Variants in SPAG17 observed in about 807,000 individuals in gnomAD.
The protein encoded by SPAG17 is sperm associated antigen 17, also known as sperm-associated antigen 17.
Under a neutral mutation model 273.6 loss-of-function variants are expected in SPAG17, and 169 were observed. The observed-to-expected ratio is 0.62, with a 90% CI of 0.55 to 0.70. The LOEUF (loss-of-function observed/expected upper bound fraction) is 0.70. Ranked by LOEUF, SPAG17 falls within the 30% of genes least tolerant of loss-of-function variation. The pLI is 0.00. For synonymous variants in SPAG17, 825 were observed against 873.2 expected (o/e 0.94, Z 0.97); for missense variants, 2,557 against 2,627.8 (o/e 0.97, Z 0.59).
intron 3 of SPAG17, among the ~76,000 whole-genome samples, chr1:118,122,292 T>C (rs1657467672): frequency 1.3e-5 from 2 of 152,176 alleles, no homozygotes; most frequent in African/African-American, 4.8e-5. Context: ...AAGGGCCACT[T>C]GTATTGAGAT....
intron 40 of SPAG17, among the ~76,000 whole-genome samples, chr1:117,987,025 C>G (rs1656494445): frequency 6.6e-6 from 1 of 152,112 alleles, no homozygotes; most frequent in Non-Finnish European, 1.5e-5. Context: ...TGCTATAGCC[C>G]CCCAGCTTAT....
intron 19 of SPAG17, among the ~76,000 whole-genome samples, 155 bp downstream of exon 19, chr1:118,055,578 G>A (rs532642715): frequency 6.6e-6 from 1 of 152,230 alleles, no homozygotes; most frequent in South Asian, 2.1e-4. Flanking sequence ...TATTTGGAAT[G>A]CAGCTACTCT....
intron 1 of SPAG17, among the ~76,000 whole-genome samples, chr1:118,159,855 C>T (rs571926534): frequency 7.9e-5 from 12 of 152,222 alleles, no homozygotes; most frequent in African/African-American, 2.6e-4. Flanking sequence ...AACCACAGAG[C>T]CACTACACAC....
Position 118,040,793 on chromosome 1 carries a change from T to C in SPAG17, c.3103A>G (p.Asn1035Asp), listed in dbSNP as rs752614439. The C allele has an allele frequency of 3.1e-6, 5 of 1,604,606 alleles. No homozygotes were observed. Among genetic ancestry groups the C allele is most frequent in the East Asian group, 2.2e-5 (1 of 44,858 alleles). The change falls in exon 22 of 49, where the codon AAT (asparagine) becomes GAT (aspartate). Residue 1035 changes from asparagine to aspartate, a missense_variant. Coordinates refer to ENST00000336338, the MANE Select transcript of SPAG17 (RefSeq NM_206996.4). ...GNIPTQISGS[N>D]YYLYPSDGGQ... ...CCATCAGAAGGATACAGGTAGTAAT[T>C]TGACCCTGAGATTTGAGTGGGTATA...
rs191564427 is a variant in SPAG17, at chr1:117,998,577, T to C, written c.4777-1834A>G. On this transcript the variant is annotated intron_variant, in intron 32 of 48. Coordinates refer to ENST00000336338, the MANE Select transcript of SPAG17 (RefSeq NM_206996.4). ...CCATGTGAATTTTAGAATAGCTTTT[T>C]CTGATTCTGTGAAGAATGTCATTGG... Among the ~76,000 whole-genome samples, 6 of 152,306 alleles carry C rather than the reference T, an allele frequency of 3.9e-5. No homozygotes were observed. In the East Asian group the frequency reaches 1.2e-3, roughly 29 times the overall value.
intron 32 of SPAG17, 44 bp from the exon 33 acceptor site, chr1:117,996,787 T>A: frequency 1.3e-6 from 2 of 1,544,686 alleles, no homozygotes; most frequent in Admixed American, 2.1e-5. Context: ...AAGAAAGTCA[T>A]AATGCTTAAA....
chr1:118,147,539 C>T (rs1176095955), intron 3 of SPAG17, among the ~76,000 whole-genome samples: 2 of 152,102 alleles, frequency 1.3e-5, no homozygotes, highest in African/African-American at 4.8e-5. Context: ...AACATGCTTT[C>T]CAAAAAGAGA....
chr1:117,978,868 TC>T (rs1309019250), intron 43 of SPAG17, among the ~76,000 whole-genome samples: 2 of 133,112 alleles, frequency 1.5e-5, no homozygotes, highest in African/African-American at 5.3e-5. Context: ...TTCTTCCTCT[TC>T]TTTTTTTTTT....
Position 118,040,730 on chromosome 1 carries a change from C to G in SPAG17, c.3166G>C (p.Gly1056Arg), listed in dbSNP as rs1311175144. The change falls in exon 22 of 49, where the codon GGC becomes CGC. Residue 1056 changes from glycine (G) to arginine (R), a missense_variant and splice_region_variant. Transcript: ENST00000336338. ...IEVEKTMFEK[G>R]PTFIKVRVVK... ...TTAACCAGTTGCTTTCAAAATGTAC[C>G]TTTTTCAAACATTGTCTTTTCCACT... The G allele has an allele frequency of 6.3e-7, 1 of 1,575,206 alleles. No homozygotes were observed. Among genetic ancestry groups the G allele is most frequent in the South Asian group, 1.1e-5 (1 of 90,246 alleles).
chr1:117,955,141 T>C, intron 48 of SPAG17: 2 of 506,106 alleles, frequency 4.0e-6, no homozygotes, highest in Middle Eastern at 5.2e-4. Context: ...AGGGGCAGAG[T>C]TCAGTTGTCA....
chr1:117,985,074 G>C (rs987165499), intron 40 of SPAG17, among the ~76,000 whole-genome samples: 4 of 152,114 alleles, frequency 2.6e-5, no homozygotes, highest in African/African-American at 9.7e-5. Context: ...AAACCACATA[G>C]CCCTGTAATG....
intron 25 of SPAG17, among the ~76,000 whole-genome samples, chr1:118,029,930 T>C (rs1648238692): frequency 6.6e-6 from 1 of 152,032 alleles, no homozygotes; most frequent in Admixed American, 6.5e-5. Context: ...AAGAGAAAAA[T>C]GCTTATGAAA....
intron 3 of SPAG17, among the ~76,000 whole-genome samples, chr1:118,142,849 A>C (rs1203102461): frequency 1.3e-5 from 2 of 152,172 alleles, no homozygotes; most frequent in African/African-American, 4.8e-5. Flanking sequence ...CGCTCACCAA[A>C]CTAGTGGTAG....
At chr1:117,985,409 T>C (rs2101614766) in intron 40 of SPAG17, among the ~76,000 whole-genome samples, 4 of 152,254 alleles carry the variant, frequency 2.6e-5, no homozygotes, top group Middle Eastern at 6.9e-3. Flanking sequence ...TTCCTGGTCC[T>C]TGCCTCATGT....
At chr1:117,987,710 G>T in intron 40 of SPAG17, 124 bp downstream of exon 40, 1 of 919,192 alleles carries the variant, frequency 1.1e-6, no homozygotes, top group Non-Finnish European at 1.7e-6. Context: ...CCACTTGGTA[G>T]ACATGTTGCA....
At chr1:117,968,340 T>C (rs975567255) in intron 46 of SPAG17, among the ~76,000 whole-genome samples, 1 of 152,204 alleles carries the variant, frequency 6.6e-6, no homozygotes, top group African/African-American at 2.4e-5. Flanking sequence ...CATTTTGGCT[T>C]TTGGCATAAT....
At chr1:118,009,858 A>G (rs1659290278) in intron 30 of SPAG17, among the ~76,000 whole-genome samples, 1 of 131,510 alleles carries the variant, frequency 7.6e-6, no homozygotes, top group Non-Finnish European at 1.7e-5. Flanking sequence ...ATAAATAAGG[A>G]AAATAAAGAA....
At chr1:118,013,939 T>C (rs1378780377) in intron 29 of SPAG17, among the ~76,000 whole-genome samples, 2 of 152,166 alleles carry the variant, frequency 1.3e-5, no homozygotes, top group Admixed American at 6.5e-5. Context: ...AAGTTATACA[T>C]CTGGTAAGGA....
intron 4 of SPAG17, among the ~76,000 whole-genome samples, chr1:118,109,127 A>T (rs1232341031): frequency 6.6e-6 from 1 of 151,836 alleles, no homozygotes; most frequent in Non-Finnish European, 1.5e-5. Context: ...CTGATGATAT[A>T]TATCTATACT....
Sources: allele counts gnomAD v4.1 joint callset (sites outside exome capture counted in the v4.1 genomes callset), GRCh38; gene constraint gnomAD v4.1.1; transcripts MANE v1.5; gene names NCBI Gene and HGNC (gene_info 2026-07-23, HGNC 2026-07-21).